RASGEF1A: variants seen among roughly 807,000 people sequenced by gnomAD.
The protein encoded by RASGEF1A is RasGEF domain family member 1A, also known as ras-GEF domain-containing family member 1A.
A neutral mutation model predicts 56.4 loss-of-function variants in RASGEF1A; 18 were observed. That is an observed-to-expected ratio of 0.32 (90% CI 0.22 to 0.47). The LOEUF is 0.47. Among genes scored for constraint, RASGEF1A ranks in the 20% least tolerant of loss-of-function variants. The probability of loss-of-function intolerance (pLI) is 1.00; values close to 1 mark genes in which losing one functional copy is unlikely to be tolerated. For synonymous variants in RASGEF1A, 245 were observed against 242.6 expected (o/e 1.01, Z -0.09); for missense variants, 422 against 627.1 (o/e 0.67, Z 3.49).
rs905117327 is a variant in RASGEF1A at position 43,194,654 on chromosome 10, G to A, written c.*1590C>T. 1.3e-5 allele frequency: 2 copies of A among 152,172 alleles called. No homozygotes were observed. The highest frequency in any genetic ancestry group is 2.9e-5 in the Non-Finnish European group (2 of 68,052). The allele number at this position is 152,172 out of a possible 1,614,324, so 9.4% of individuals were successfully genotyped here. On this transcript the variant is annotated 3_prime_UTR_variant, in exon 13 of 13. Coordinates refer to ENST00000395810, the MANE Select transcript of RASGEF1A (RefSeq NM_145313.4). ...CTCAAATACCAAAACATCAAATCAG[G>A]GTATGTATCAAATTGGGAAAATAAA...
intron 7 of RASGEF1A, among the ~76,000 whole-genome samples, 167 bp from the exon 8 acceptor site, chr10:43,199,361 G>A (rs1025448934): frequency 3.9e-5 from 6 of 152,144 alleles, no homozygotes; most frequent in East Asian, 1.9e-4. Context: ...ACATGTGCAC[G>A]GCCTATGCTC....
At chr10:43,207,048 T>C (rs931987327) in intron 1 of RASGEF1A, 36 of 985,364 alleles carry the variant, frequency 3.7e-5, no homozygotes, top group Non-Finnish European at 4.1e-5. Flanking sequence ...TCTGGGCCTG[T>C]TTCCCCAGTG....
At chr10:43,261,183 C>T (rs1188253177) in intron 1 of RASGEF1A, among the ~76,000 whole-genome samples, 4 of 152,198 alleles carry the variant, frequency 2.6e-5, no homozygotes, top group Non-Finnish European at 4.4e-5. Flanking sequence ...CCTGGCCATA[C>T]TTGCCAGCAC....
chr10:43,246,074 T>C (rs1840564565), intron 1 of RASGEF1A, among the ~76,000 whole-genome samples: 1 of 152,170 alleles, frequency 6.6e-6, no homozygotes, highest in Non-Finnish European at 1.5e-5. Flanking sequence ...AGCAAGGCTA[T>C]AGGATACAAG....
At chr10:43,253,329 T>C (rs897307627) in intron 1 of RASGEF1A, among the ~76,000 whole-genome samples, 5 of 152,204 alleles carry the variant, frequency 3.3e-5, no homozygotes, top group Non-Finnish European at 5.9e-5. Flanking sequence ...GCTCACCTCA[T>C]GTGAGGGATT....
chr10:43,196,828 A>AT lies in RASGEF1A; in HGVS notation c.1348+147dup. ...TCCATCCATCCCATGACCCACCCTC[A>AT]TGCACACTCGCCCCTGCGAGCAGAG... On this transcript the variant is annotated intron_variant, in intron 11 of 12. Coordinates refer to ENST00000395810, the MANE Select transcript of RASGEF1A (RefSeq NM_145313.4). This position sits in a 1 kb window ranked among gnomAD's most constrained non-coding sequence, Gnocchi z 4.6. 1.0e-6 allele frequency: 1 copy of AT among 980,160 alleles called. No homozygotes were observed. Among genetic ancestry groups the AT allele is most frequent in the Non-Finnish European group, 1.5e-6 (1 of 671,032 alleles). 60.7% of individuals were successfully genotyped at this position (980,160 alleles called of 1,614,324 possible). A position where few individuals can be genotyped will look rare whatever the true frequency, so the allele number is the denominator to read the frequency against.
intron 1 of RASGEF1A, among the ~76,000 whole-genome samples, chr10:43,225,930 G>C (rs60627376): frequency 1.3e-5 from 2 of 152,180 alleles, no homozygotes; most frequent in South Asian, 4.1e-4. Flanking sequence ...CCGGCCCAAG[G>C]CTGGGCAGGG....
chr10:43,216,946 C>A (rs1224022018), intron 1 of RASGEF1A, among the ~76,000 whole-genome samples: 1 of 152,168 alleles, frequency 6.6e-6, no homozygotes, highest in East Asian at 1.9e-4. Context: ...TTGCCGCTCA[C>A]CCTTCCCATC....
intron 1 of RASGEF1A, among the ~76,000 whole-genome samples, chr10:43,212,016 G>A (rs1174413268): frequency 6.6e-6 from 1 of 152,210 alleles, no homozygotes; most frequent in East Asian, 1.9e-4. Flanking sequence ...GGTGCCCAGT[G>A]GCCCAGTGCT....
chr10:43,241,805 A>G (rs576554710), intron 1 of RASGEF1A, among the ~76,000 whole-genome samples: 14 of 152,318 alleles, frequency 9.2e-5, no homozygotes, highest in Admixed American at 6.5e-4. Context: ...GGCTTTCTAA[A>G]ATAGACCCAC....
At chr10:43,247,997 G>C (rs1233787280) in intron 1 of RASGEF1A, among the ~76,000 whole-genome samples, 1 of 150,590 alleles carries the variant, frequency 6.6e-6, no homozygotes, top group Non-Finnish European at 1.5e-5. Flanking sequence ...TCAGGAGTTT[G>C]AGACCAGCCT....
chr10:43,197,078 G>C lies in RASGEF1A; in HGVS notation c.1246C>G (p.Gln416Glu), dbSNP rs747565826. The change falls in exon 11 of 13, where the codon CAG becomes GAG. Residue 416 changes from glutamine (Q) to glutamate (E), a missense_variant. Physicochemically the swap from Gln to Glu is conservative, Grantham distance 29. This residue lies in a region of RASGEF1A where 149 missense variants were observed against 287.2 expected (regional missense o/e 0.52). Coordinates refer to ENST00000395810, the MANE Select transcript of RASGEF1A (RefSeq NM_145313.4). ...NFKKFWEISR[Q>E]IHEFMTWTQV... ...GTCCATGTCATGAACTCATGGATCT[G>C]TCTGGAGATCTCCCAGAATTTCTGA... 4 of 1,613,910 alleles carry C rather than the reference G, an allele frequency of 2.5e-6. No homozygotes were observed. The highest frequency in any genetic ancestry group is 1.7e-4 in the Middle Eastern group (1 of 6,054).
intron 1 of RASGEF1A, among the ~76,000 whole-genome samples, chr10:43,261,097 C>T (rs1289572284): frequency 1.3e-5 from 2 of 151,294 alleles, no homozygotes; most frequent in South Asian, 2.1e-4. Flanking sequence ...TGTGGGAGCG[C>T]CCTCCCCCTC....
chr10:43,207,313 C>A, intron 1 of RASGEF1A: 1 of 985,338 alleles, frequency 1.0e-6, no homozygotes, highest in Non-Finnish European at 1.2e-6. Context: ...ACTTCAGTGC[C>A]ATGACAGGAC....
chr10:43,232,067 G>A (rs1425643736), intron 1 of RASGEF1A, among the ~76,000 whole-genome samples: 2 of 152,254 alleles, frequency 1.3e-5, no homozygotes, highest in South Asian at 4.1e-4. Flanking sequence ...CAGGCAAGCT[G>A]TCAAGATTCT....
chr10:43,242,212 G>C (rs888931582), intron 1 of RASGEF1A, among the ~76,000 whole-genome samples: 1 of 152,126 alleles, frequency 6.6e-6, no homozygotes, highest in Non-Finnish European at 1.5e-5. Flanking sequence ...AAGAGAGCCA[G>C]AATGGCTATA....
Position 43,201,948 on chromosome 10 carries a change from G to A in RASGEF1A, c.322-3C>T, listed in dbSNP as rs750430439. 20 of 1,603,226 alleles carry A rather than the reference G, an allele frequency of 1.2e-5. No individual in the cohort carries two copies. Among genetic ancestry groups the A allele is most frequent in the Non-Finnish European group, 1.7e-5 (20 of 1,173,306 alleles). ...GCTGAGAAAGACTTCAGCTTGGCCT[G>A]GGGCAGCAGGGGATACAGAGTAAGG... is the stretch of plus-strand genomic sequence containing the variant. On this transcript the variant is annotated splice_polypyrimidine_tract_variant and splice_region_variant and intron_variant, in intron 3 of 12. Coordinates refer to ENST00000395810, the MANE Select transcript of RASGEF1A (RefSeq NM_145313.4).
chr10:43,250,541 G>C (rs1840616504), intron 1 of RASGEF1A, among the ~76,000 whole-genome samples: 1 of 152,244 alleles, frequency 6.6e-6, no homozygotes, highest in Non-Finnish European at 1.5e-5. Flanking sequence ...TCAGAGTCTG[G>C]GGGTGTGGCT....
intron 1 of RASGEF1A, among the ~76,000 whole-genome samples, chr10:43,243,676 C>T (rs1274867040): frequency 3.4e-5 from 5 of 146,696 alleles, no homozygotes; most frequent in Admixed American, 3.4e-4. Flanking sequence ...GGCCGCTCTT[C>T]GTCTGGGAGG....
Sources: gnomAD v4.1 joint callset for allele counts (sites outside exome capture counted in the v4.1 genomes callset) on GRCh38, gnomAD v4.1.1 for gene constraint, gnomAD v4.1.1 regional missense constraint, Gnocchi (gnomAD v3.1) non-coding constraint, MANE v1.5 for transcripts, NCBI Gene and HGNC (gene_info 2026-07-23, HGNC 2026-07-21) for gene names.